The following LRP5 variants were observed in gnomAD, a reference collection of about 807,000 sequenced individuals.
LRP5 encodes the protein LDL receptor related protein 5.
Under a neutral mutation model 154.1 loss-of-function variants are expected in LRP5, and 62 were observed. That is an observed-to-expected ratio of 0.40 (90% CI 0.33 to 0.50). The LOEUF is 0.50. LRP5 is among the 20% of genes least tolerant of loss of function. The probability of loss-of-function intolerance (pLI) is 0.55; values close to 1 mark genes in which losing one functional copy is unlikely to be tolerated. For synonymous variants in LRP5, 966 were observed against 1,011.5 expected, an observed-to-expected ratio of 0.96 and a Z score of 0.85; for missense variants, 1,915 against 2,336.7, an observed-to-expected ratio of 0.82 and a Z score of 3.72.
At chr11:68,390,184 A>T (rs2098645523) in intron 7 of LRP5, 132 bp downstream of exon 7, 1 of 1,112,110 alleles carries the variant, frequency 9.0e-7, no homozygotes, top group Admixed American at 2.0e-5. Flanking sequence ...GCTTGAGAAA[A>T]TAGTTACAAT....
intron 8 of LRP5, among the ~76,000 whole-genome samples, chr11:68,404,972 G>A (rs1451256948): frequency 1.3e-4 from 17 of 134,592 alleles, no homozygotes; most frequent in African/African-American, 3.9e-4. Context: ...GCGAGACTCC[G>A]TCTCAAAAAA....
rs541985118 is a variant in LRP5 at position 68,351,321 on chromosome 11, G to A, written c.488+3078G>A. On this transcript the variant is annotated intron_variant, in intron 2 of 22. Coordinates refer to ENST00000294304, the MANE Select transcript of LRP5 (RefSeq NM_002335.4). ...GCTGCCGGGGAGCCAGCTGACCTCCGGGGCAGCCTCTGTTCCGCTTGGTGA... is the reference window on the plus strand; with the variant it reads ...GCTGCCGGGGAGCCAGCTGACCTCCAGGGCAGCCTCTGTTCCGCTTGGTGA... Among the ~76,000 whole-genome samples, 7 of 152,178 alleles carry A rather than the reference G, an allele frequency of 4.6e-5. No homozygotes were observed. The East Asian group carries it at 5.8e-4, about 13-fold the overall frequency.
intron 1 of LRP5, among the ~76,000 whole-genome samples, chr11:68,315,651 G>A (rs2098592750): frequency 6.6e-6 from 1 of 152,272 alleles, no homozygotes; most frequent in African/African-American, 2.4e-5. Context: ...GAAGTGCTAG[G>A]GTTGAGTGCG....
intron 21 of LRP5, among the ~76,000 whole-genome samples, chr11:68,445,320 G>A (rs2098680810): frequency 6.6e-6 from 1 of 152,042 alleles, no homozygotes; most frequent in Non-Finnish European, 1.5e-5. Context: ...GGCTGGTCTC[G>A]AACTCCTGAC....
rs1359400766 is a variant in LRP5 at position 68,415,798 on chromosome 11, T to C, written c.2828-530T>C. On this transcript the variant is annotated intron_variant, in intron 12 of 22. Coordinates refer to ENST00000294304, the MANE Select transcript of LRP5 (RefSeq NM_002335.4). ...ATGGCAGGGCGTAGTGGCTCACACC[T>C]GTAATCCCAGCACTTTGGGAGGCCA... 7.2e-4 allele frequency among the ~76,000 whole-genome samples: 52 copies of C among 72,020 alleles called. 13 individuals carry two copies. The highest frequency in any genetic ancestry group is 1.6e-3 in the African/African-American group (49 of 29,844). The allele number at this position is 72,020 out of a possible 152,430, so 47.2% of individuals were successfully genotyped here. A position where few individuals can be genotyped will look rare whatever the true frequency, so the allele number is the denominator to read the frequency against.
At chr11:68,382,144 G>A (rs1591256551) in intron 5 of LRP5, among the ~76,000 whole-genome samples, 1 of 152,278 alleles carries the variant, frequency 6.6e-6, no homozygotes, top group East Asian at 1.9e-4. Context: ...CACCTCCTTC[G>A]AGTCAGTAAA....
chr11:68,435,866 C>T (rs911236276), intron 18 of LRP5, among the ~76,000 whole-genome samples: 5 of 152,184 alleles, frequency 3.3e-5, no homozygotes, highest in Non-Finnish European at 5.9e-5. Flanking sequence ...GCTGGGATTA[C>T]AGGCACACAC....
chr11:68,418,596 T>C (rs1265600522), intron 13 of LRP5, among the ~76,000 whole-genome samples: 1 of 152,118 alleles, frequency 6.6e-6, no homozygotes, highest in African/African-American at 2.4e-5. Flanking sequence ...GCTGGTGCCG[T>C]CCAGACAGGC....
intron 3 of LRP5, 59 bp from the exon 4 acceptor site, chr11:68,363,688 A>G: frequency 7.3e-7 from 1 of 1,361,790 alleles, no homozygotes; most frequent in African/African-American, 1.4e-5. Context: ...TTGGGTCAGC[A>G]GCAATGACTG....
At chr11:68,323,931 C>T (rs888241820) in intron 1 of LRP5, among the ~76,000 whole-genome samples, 3 of 152,212 alleles carry the variant, frequency 2.0e-5, no homozygotes, top group African/African-American at 7.2e-5. Flanking sequence ...TCCCCGCAGC[C>T]GCCTGCTCCC....
At chr11:68,380,152 G>A (rs1371710229) in intron 5 of LRP5, among the ~76,000 whole-genome samples, 2 of 152,308 alleles carry the variant, frequency 1.3e-5, no homozygotes, top group Admixed American at 6.5e-5. Flanking sequence ...AGTCACACAC[G>A]CTTCTTGTAC....
rs753963707 is a variant in LRP5, at chr11:68,347,842, C to G, written c.92-5C>G. ...TGGCCCTCACGGTTTGCTTCTGCCCCACAGCCTCGCCGCTCCTGCTATTTG... is the reference window on the plus strand; with the variant it reads ...TGGCCCTCACGGTTTGCTTCTGCCCGACAGCCTCGCCGCTCCTGCTATTTG... On this transcript the variant is annotated splice_region_variant and splice_polypyrimidine_tract_variant and intron_variant, in intron 1 of 22. Transcript: ENST00000294304. 1.1e-5 allele frequency: 18 copies of G among 1,613,086 alleles called. No individual in the cohort carries two copies. In the South Asian group the frequency reaches 1.8e-4, roughly 16 times the overall value.
Position 68,435,483 on chromosome 11 carries a change from G to GGAGAGA in LRP5, c.4001-1396_4001-1391dup, listed in dbSNP as rs10634157. Reference sequence around the variant, plus strand: ...ATCACATGGTGAGAGAGGGAGCAACGGAGAGAGAGAGAGAGCGCCTCTCCC... The same window carrying GGAGAGA: ...ATCACATGGTGAGAGAGGGAGCAACGGAGAGAGAGAGAGAGAGAGAGCGCCTCTCCC... On this transcript the variant is annotated intron_variant, in intron 18 of 22. Coordinates refer to ENST00000294304, the MANE Select transcript of LRP5 (RefSeq NM_002335.4). Among the ~76,000 whole-genome samples the GGAGAGA allele has an allele frequency of 9.2e-4, 139 of 150,336 alleles. 2 individuals carry two copies. In the Middle Eastern group the frequency reaches 0.021, roughly 22 times the overall value.
At position 68,421,056 on chromosome 11, in the gene LRP5, C is replaced by G. The variant is rs189207286; in HGVS notation, c.3028-2433C>G. On this transcript the variant is annotated intron_variant, in intron 13 of 22. Transcript: ENST00000294304. ...CCTGGCCAACATGGTGAAACCCCGT[C>G]TCTACTAAAAATACCAAAAAACTAG... Among the ~76,000 whole-genome samples the G allele has an allele frequency of 1.6e-3, 244 of 152,214 alleles. 1 individual carries two copies. The highest frequency in any genetic ancestry group is 5.7e-3 in the African/African-American group (236 of 41,522).
chr11:68,415,694 T>C (rs769609433), intron 12 of LRP5, among the ~76,000 whole-genome samples: 37 of 58,642 alleles, frequency 6.3e-4, no homozygotes, highest in South Asian at 3.4e-3. Context: ...TCAAGTGAGC[T>C]CATTTTGTGC....
chr11:68,359,091 G>A (rs1187124833), intron 3 of LRP5, among the ~76,000 whole-genome samples: 1 of 152,226 alleles, frequency 6.6e-6, no homozygotes, highest in African/African-American at 2.4e-5. Context: ...TAACAAAACA[G>A]CCCACAACTT....
intron 1 of LRP5, among the ~76,000 whole-genome samples, chr11:68,338,719 C>T (rs750007081): frequency 6.6e-6 from 1 of 152,158 alleles, no homozygotes. Flanking sequence ...CCCGATTAAA[C>T]CAACTGGGAA....
At chr11:68,425,851 C>T in intron 15 of LRP5, 127 bp from the exon 16 acceptor site, 2 of 831,694 alleles carry the variant, frequency 2.4e-6, no homozygotes, top group African/African-American at 1.7e-5. Flanking sequence ...GCAGCTCCCA[C>T]CCCTGTCCAA....
At chr11:68,309,228 T>G (rs1315400672), upstream of LRP5, among the ~76,000 whole-genome samples, 2 of 124,398 alleles carry the variant, frequency 1.6e-5, no homozygotes, top group African/African-American at 6.3e-5. Flanking sequence ...CCACCTCATC[T>G]GGCCTTTTTT....
Sources: gnomAD v4.1 joint callset for allele counts (sites outside exome capture counted in the v4.1 genomes callset) on GRCh38, gnomAD v4.1.1 for gene constraint, MANE v1.5 for transcripts, NCBI Gene and HGNC (gene_info 2026-07-23, HGNC 2026-07-21) for gene names.